Variants in TDRD9 observed in about 807,000 individuals in gnomAD.
The protein encoded by TDRD9 is tudor domain containing 9, also known as ATP-dependent RNA helicase TDRD9.
A neutral mutation model predicts 172.6 loss-of-function variants in TDRD9; 124 were observed. That is an observed-to-expected ratio of 0.72 (90% CI 0.62 to 0.83). The LOEUF (loss-of-function observed/expected upper bound fraction) is 0.83, where lower values mean the gene tolerates loss of function less well. TDRD9 is among the 40% of genes least tolerant of loss of function. The pLI is 0.00. For missense variants in TDRD9, 1,479 were observed against 1,714.1 expected (o/e 0.86, Z 2.42); for synonymous variants, 619 against 617.1 (o/e 1.00, Z -0.05).
Position 104,052,146 on chromosome 14 carries a change from C to T in TDRD9, c.*64C>T. 3 of 1,164,032 alleles carry T rather than the reference C, an allele frequency of 2.6e-6. No homozygotes were observed. Among genetic ancestry groups the T allele is most frequent in the Non-Finnish European group, 2.5e-6 (2 of 802,550 alleles). 72.1% of individuals were successfully genotyped at this position (1,164,032 alleles called of 1,614,324 possible). A position where few individuals can be genotyped will look rare whatever the true frequency, so the allele number is the denominator to read the frequency against. On this transcript the variant is annotated 3_prime_UTR_variant, in exon 36 of 36. Transcript: ENST00000409874. ...GCTGTGGAGGCTGGATTCCAGGCTC[C>T]CTCCGCAGACTGACTTTCCTCTGTG...
chr14:103,998,969 T>C (rs1393943686), intron 13 of TDRD9, among the ~76,000 whole-genome samples: 1 of 152,052 alleles, frequency 6.6e-6, no homozygotes, highest in Admixed American at 6.5e-5. Flanking sequence ...ATTTTTTGTA[T>C]TTTTTAGTAG....
intron 7 of TDRD9, among the ~76,000 whole-genome samples, chr14:103,979,858 A>G (rs1247926590): frequency 6.7e-6 from 1 of 150,128 alleles, no homozygotes; most frequent in East Asian, 1.9e-4. Context: ...CATTTAAACA[A>G]TTTGCATTTT....
At chr14:104,049,184 A>G (rs1255960519) in intron 34 of TDRD9, among the ~76,000 whole-genome samples, 1 of 151,492 alleles carries the variant, frequency 6.6e-6, no homozygotes, top group Admixed American at 6.6e-5. Flanking sequence ...GCCTTGTTTT[A>G]TAGTTTTTTA....
At chr14:104,018,626 G>A (rs1001364929) in intron 23 of TDRD9, among the ~76,000 whole-genome samples, 2 of 152,124 alleles carry the variant, frequency 1.3e-5, no homozygotes, top group Non-Finnish European at 2.9e-5. Context: ...TTTTTGGAAG[G>A]CAAACATTGT....
At chr14:103,943,715 C>G (rs1198069452) in intron 1 of TDRD9, among the ~76,000 whole-genome samples, 1 of 152,100 alleles carries the variant, frequency 6.6e-6, no homozygotes, top group Non-Finnish European at 1.5e-5. Flanking sequence ...GTCTTTTACT[C>G]CCCAGTTCTC....
intron 13 of TDRD9, among the ~76,000 whole-genome samples, chr14:104,000,329 CAAAAA>C (rs60498436): frequency 7.8e-6 from 1 of 127,962 alleles, no homozygotes; most frequent in Admixed American, 8.2e-5. Flanking sequence ...AGCCCCGTCT[CAAAAA>C]AAAAAAAAAA....
intron 1 of TDRD9, among the ~76,000 whole-genome samples, chr14:103,945,012 G>A (rs2031484577): frequency 1.3e-5 from 2 of 152,188 alleles, no homozygotes; most frequent in African/African-American, 4.8e-5. Flanking sequence ...GAACAAGAAA[G>A]ACCTAGTTCC....
At chr14:103,961,396 C>G (rs1380061944) in intron 2 of TDRD9, among the ~76,000 whole-genome samples, 2 of 152,080 alleles carry the variant, frequency 1.3e-5, no homozygotes, top group East Asian at 3.9e-4. Flanking sequence ...AACCCCATCT[C>G]TACTAAAAAT....
intron 33 of TDRD9, among the ~76,000 whole-genome samples, chr14:104,040,592 A>T (rs1022273131): frequency 1.3e-5 from 2 of 152,210 alleles, no homozygotes; most frequent in African/African-American, 2.4e-5. Flanking sequence ...GTCTCCTGGC[A>T]TAAGCTTTTC....
chr14:104,039,892 G>GA (rs1004551287), intron 32 of TDRD9, among the ~76,000 whole-genome samples: 27 of 148,664 alleles, frequency 1.8e-4, no homozygotes, highest in South Asian at 4.3e-4. Context: ...GAAGGCAAGG[G>GA]AAAAAAAAAC....
At chr14:104,036,338 T>C (rs2035449713) in intron 32 of TDRD9, among the ~76,000 whole-genome samples, 1 of 152,208 alleles carries the variant, frequency 6.6e-6, no homozygotes, top group Non-Finnish European at 1.5e-5. Flanking sequence ...TGCCTTTAAT[T>C]GTTGAAATGT....
intron 22 of TDRD9, among the ~76,000 whole-genome samples, chr14:104,017,144 G>A (rs2034817303): frequency 6.6e-6 from 1 of 151,884 alleles, no homozygotes; most frequent in South Asian, 2.1e-4. Flanking sequence ...CTGCCCCTTC[G>A]TGGTTTTCTT....
chr14:103,994,784 A>G (rs1000038598), intron 11 of TDRD9, among the ~76,000 whole-genome samples, 181 bp downstream of exon 11: 11 of 152,142 alleles, frequency 7.2e-5, no homozygotes, highest in East Asian at 1.9e-4. Flanking sequence ...GCGAAACCCC[A>G]TCTCTACAAA....
intron 1 of TDRD9, among the ~76,000 whole-genome samples, chr14:103,944,430 T>C (rs1653445331): frequency 6.6e-6 from 1 of 152,190 alleles, no homozygotes; most frequent in Non-Finnish European, 1.5e-5. Context: ...ACTGATTTTT[T>C]CCTTCAACCT....
intron 2 of TDRD9, among the ~76,000 whole-genome samples, chr14:103,957,763 TGGCCCAGG>T (rs1490519029): frequency 6.6e-6 from 1 of 152,170 alleles, no homozygotes; most frequent in Non-Finnish European, 1.5e-5. Context: ...ACTCACGTAC[TGGCCCAGG>T]GGCACAGGCA....
intron 6 of TDRD9, among the ~76,000 whole-genome samples, chr14:103,974,285 C>G (rs1442503628): frequency 6.6e-6 from 1 of 152,218 alleles, no homozygotes; most frequent in African/African-American, 2.4e-5. Context: ...GAGCAGCCAG[C>G]CGGACTGCTG....
At chr14:103,975,176 A>G (rs2033184643) in intron 6 of TDRD9, among the ~76,000 whole-genome samples, 1 of 152,204 alleles carries the variant, frequency 6.6e-6, no homozygotes, top group African/African-American at 2.4e-5. Context: ...TTATCATTTG[A>G]AAAGGTACTC....
Position 104,042,074 on chromosome 14 carries a change from T to C in TDRD9, c.3861T>C (p.Asn1287=). The C allele has an allele frequency of 6.2e-7, 1 of 1,601,682 alleles. No homozygotes were observed. Among genetic ancestry groups the C allele is most frequent in the East Asian group, 2.2e-5 (1 of 44,698 alleles). The change falls in exon 34 of 36, where the codon AAT becomes AAC. Residue 1287 remains asparagine, a synonymous_variant. Transcript: ENST00000409874. ...ATGTTGCTGTTCATTTACAGGTTAATATTCTCAGGGCTGCTATTAACAAGC... is the reference window on the plus strand; with the variant it reads ...ATGTTGCTGTTCATTTACAGGTTAACATTCTCAGGGCTGCTATTAACAAGC... ...QFSVEDVVEV[N]ILRAAINKLV... is the part of the protein sequence containing the mutation.
intron 2 of TDRD9, among the ~76,000 whole-genome samples, chr14:103,958,759 C>T (rs1167196768): frequency 2.0e-5 from 3 of 152,186 alleles, no homozygotes; most frequent in African/African-American, 4.8e-5. Context: ...ACACCTTGTC[C>T]TTCTCATCTT....
Sources: gnomAD v4.1 joint callset for allele counts (sites outside exome capture counted in the v4.1 genomes callset) on GRCh38, gnomAD v4.1.1 for gene constraint, MANE v1.5 for transcripts, NCBI Gene and HGNC (gene_info 2026-07-23, HGNC 2026-07-21) for gene names.